TMEM165: variants seen among roughly 807,000 people sequenced by gnomAD.
TMEM165 encodes the protein putative divalent cation/proton antiporter TMEM165.
Under a neutral mutation model 30.0 loss-of-function variants are expected in TMEM165, and 19 were observed. The ratio of observed to expected loss-of-function variants is 0.63; its 90% CI spans 0.44 to 0.93. TMEM165 has a LOEUF of 0.93. Among genes scored for constraint, TMEM165 ranks in the 40% least tolerant of loss-of-function variants. The probability of loss-of-function intolerance (pLI) is 0.00; values close to 1 mark genes in which losing one functional copy is unlikely to be tolerated. For missense variants in TMEM165, 340 were observed against 417.0 expected, an observed-to-expected ratio of 0.82 and a Z score of 1.61; for synonymous variants, 168 against 162.9, an observed-to-expected ratio of 1.03 and a Z score of -0.24.
intron 3 of TMEM165, chr4:55,449,998 T>G: frequency 6.9e-7 from 1 of 1,446,322 alleles, no homozygotes; most frequent in Non-Finnish European, 9.6e-7. Flanking sequence ...CTTATAATTT[T>G]AAAGAAGCGT....
chr4:55,417,272 G>T, intron 3 of TMEM165, 25 bp downstream of exon 3: 2 of 1,595,676 alleles, frequency 1.3e-6, no homozygotes, highest in South Asian at 2.3e-5. Context: ...TGTTGATCTG[G>T]ACCAAAAAGG....
intron 3 of TMEM165, chr4:55,449,489 T>G (rs752042168): frequency 1.2e-6 from 2 of 1,614,010 alleles, no homozygotes; most frequent in South Asian, 2.2e-5. Context: ...GGATCTTGGT[T>G]GGTGTTGCTG....
At chr4:55,401,582 T>A (rs1028705293) in intron 1 of TMEM165, among the ~76,000 whole-genome samples, 34 of 150,752 alleles carry the variant, frequency 2.3e-4, no homozygotes, top group Middle Eastern at 3.4e-3. Context: ...GGTATTTCAT[T>A]TATTTATTAC....
At chr4:55,448,802 G>T (rs565535154) in intron 3 of TMEM165, 1 of 1,613,864 alleles carries the variant, frequency 6.2e-7, no homozygotes, top group South Asian at 1.1e-5. Context: ...TGTGGAATTG[G>T]TAAATTTGTA....
rs183540345 is a variant in TMEM165 at position 55,417,286 on chromosome 4, T to C, written c.609+39T>C. On this transcript the variant is annotated intron_variant, in intron 3 of 5. Transcript: ENST00000381334. ...CTGTTGATCTGGACCAAAAAGGCACTCAACTAGGAATAAACACTCTACAGA... is the reference window on the plus strand; with the variant it reads ...CTGTTGATCTGGACCAAAAAGGCACCCAACTAGGAATAAACACTCTACAGA... 9 of 1,586,858 alleles carry C rather than the reference T, an allele frequency of 5.7e-6. No individual in the cohort carries two copies. The African/African-American group carries it at 1.1e-4, about 19-fold the overall frequency.
Position 55,424,406 on chromosome 4 carries a change from T to C in TMEM165, c.793-132T>C, listed in dbSNP as rs6810483. On this transcript the variant is annotated intron_variant, in intron 4 of 5. Coordinates refer to ENST00000381334, the MANE Select transcript of TMEM165 (RefSeq NM_018475.5). ...CATTACACCTCTCATAAATTTATTA[T>C]ACACCTGCATTTTTATAACTATTAT... is the stretch of plus-strand genomic sequence containing the variant. 294,906 of 608,000 alleles carry C rather than the reference T, an allele frequency of 0.49. 76,221 individuals carry two copies. The highest frequency in any genetic ancestry group is 0.85 in the East Asian group (29,993 of 35,160). The allele number at this position is 608,000 out of a possible 1,614,324, so 37.7% of individuals were successfully genotyped here.
chr4:55,400,308 AATATTAATACTGTATT>A (rs1720929422), intron 1 of TMEM165, among the ~76,000 whole-genome samples: 5 of 102,968 alleles, frequency 4.9e-5, no homozygotes, highest in African/African-American at 1.9e-4. Flanking sequence ...TATTATATAT[AATATTAATACTGTATT>A]ATATATAATA....
downstream of TMEM165, chr4:55,428,351 G>T (rs762142260): frequency 1.3e-5 from 2 of 152,050 alleles, no homozygotes; most frequent in Non-Finnish European, 2.9e-5. Context: ...TATTAAATCG[G>T]TAACAAAACG....
At chr4:55,396,683 G>A (rs1015386096) in intron 1 of TMEM165, among the ~76,000 whole-genome samples, 16 of 152,224 alleles carry the variant, frequency 1.1e-4, no homozygotes, top group African/African-American at 3.9e-4. Context: ...TTGATCAGAT[G>A]TGTCTTAGAG....
At chr4:55,414,652 G>A (rs1721654115) in intron 2 of TMEM165, among the ~76,000 whole-genome samples, 1 of 151,914 alleles carries the variant, frequency 6.6e-6, no homozygotes, top group Non-Finnish European at 1.5e-5. Flanking sequence ...TTTTCCCTTC[G>A]GTCTAGGTCA....
At chr4:55,414,437 T>G (rs920966588) in intron 2 of TMEM165, among the ~76,000 whole-genome samples, 2 of 152,216 alleles carry the variant, frequency 1.3e-5, no homozygotes, top group African/African-American at 4.8e-5. Flanking sequence ...TTTATAGATT[T>G]AACCACTTTT....
At chr4:55,453,208 T>C in exon 4 of TMEM165, 1 of 1,145,918 alleles carries the variant, frequency 8.7e-7, no homozygotes, top group Non-Finnish European at 1.3e-6. Context: ...TATTCAGTGT[T>C]GTTACGTGTC....
chr4:55,401,636 T>G (rs906509805), intron 1 of TMEM165, among the ~76,000 whole-genome samples: 4 of 150,502 alleles, frequency 2.7e-5, no homozygotes, highest in African/African-American at 2.5e-5. Flanking sequence ...TTTAAACTTT[T>G]TTCTATTTTC....
At chr4:55,414,621 T>G (rs1004305665) in intron 2 of TMEM165, among the ~76,000 whole-genome samples, 2 of 152,198 alleles carry the variant, frequency 1.3e-5, no homozygotes, top group Non-Finnish European at 2.9e-5. Context: ...GACCCCTCAA[T>G]AATGTCCTTT....
intron 2 of TMEM165, among the ~76,000 whole-genome samples, chr4:55,414,269 C>CA (rs1227098345): frequency 2.4e-3 from 224 of 92,290 alleles, no homozygotes; most frequent in Middle Eastern, 0.013. Context: ...GACTCCGTCT[C>CA]AAAAAAAAAA....
rs1230735724 is a variant in TMEM165 at position 55,396,042 on chromosome 4, T to G, written c.-148T>G. On this transcript the variant is annotated 5_prime_UTR_variant, in exon 1 of 6. Transcript: ENST00000381334. Reference sequence around the variant, plus strand: ...CTGCCCCTCACCTCACTCCCGCTGCTTGCACCTCCCGGATGGTGCTGACTG... The same window carrying G: ...CTGCCCCTCACCTCACTCCCGCTGCGTGCACCTCCCGGATGGTGCTGACTG... 9.1e-6 allele frequency: 5 copies of G among 551,412 alleles called. No individual in the cohort carries two copies. Among genetic ancestry groups the G allele is most frequent in the Non-Finnish European group, 1.1e-5 (4 of 363,470 alleles). The allele number at this position is 551,412 out of a possible 1,614,324, so 34.2% of individuals were successfully genotyped here. A position where few individuals can be genotyped will look rare whatever the true frequency, so the allele number is the denominator to read the frequency against.
At chr4:55,429,282 T>C (rs538595231), downstream of TMEM165, 1 of 152,326 alleles carries the variant, frequency 6.6e-6, no homozygotes, top group South Asian at 2.1e-4. Context: ...GATCATTAAA[T>C]TCAATTGTGG....
downstream of TMEM165, chr4:55,429,504 C>G (rs989817394): frequency 1.3e-5 from 2 of 152,102 alleles, no homozygotes; most frequent in African/African-American, 2.4e-5. Flanking sequence ...GACCAAGTAA[C>G]TTGACACCAT....
At chr4:55,435,138 T>C in intron 3 of TMEM165, 1 of 438,270 alleles carries the variant, frequency 2.3e-6, no homozygotes, top group South Asian at 2.2e-5. Flanking sequence ...TTCTTAATAT[T>C]TGGCAATATA....
Sources: allele counts gnomAD v4.1 joint callset (sites outside exome capture counted in the v4.1 genomes callset), GRCh38; gene constraint gnomAD v4.1.1; transcripts MANE v1.5; gene names NCBI Gene and HGNC (gene_info 2026-07-23, HGNC 2026-07-21).